PDZRN3: variants seen among roughly 807,000 people sequenced by gnomAD.
PDZRN3 encodes E3 ubiquitin-protein ligase PDZRN3.
PDZRN3 carries 38 observed loss-of-function variants against 85.7 expected under a neutral mutation model. That is an observed-to-expected ratio of 0.44 (90% CI 0.34 to 0.58). The LOEUF (loss-of-function observed/expected upper bound fraction) is 0.58, where lower values mean the gene tolerates loss of function less well. Ranked by LOEUF, PDZRN3 falls within the 20% of genes least tolerant of loss-of-function variation. The pLI is 0.01. For missense variants in PDZRN3, 1,629 were observed against 1,506.4 expected (o/e 1.08, Z -1.35); for synonymous variants, 759 against 638.0 (o/e 1.19, Z -2.86).
chr3:73,519,570 G>A (rs567581941), intron 3 of PDZRN3, among the ~76,000 whole-genome samples: 4 of 152,156 alleles, frequency 2.6e-5, no homozygotes, highest in African/African-American at 4.8e-5. Context: ...ATCATTAATT[G>A]TTTCTATAAA....
intron 1 of PDZRN3, among the ~76,000 whole-genome samples, chr3:73,619,923 A>C (rs1277829186): frequency 6.6e-6 from 1 of 152,250 alleles, no homozygotes; most frequent in Non-Finnish European, 1.5e-5. Flanking sequence ...AGAGTGTCTG[A>C]GACAAAGGCC....
intron 3 of PDZRN3, among the ~76,000 whole-genome samples, chr3:73,477,742 C>G (rs532221115): frequency 6.6e-6 from 1 of 152,122 alleles, no homozygotes; most frequent in Non-Finnish European, 1.5e-5. Context: ...TCTCACACTG[C>G]TCTAAGAAAT....
chr3:73,489,193 T>C (rs1454278393), intron 3 of PDZRN3, among the ~76,000 whole-genome samples: 1 of 152,212 alleles, frequency 6.6e-6, no homozygotes, highest in Non-Finnish European at 1.5e-5. Context: ...TTGTGCTATA[T>C]TTCCTTGCCT....
chr3:73,399,617 A>G (rs763317272), intron 5 of PDZRN3, among the ~76,000 whole-genome samples: 1 of 152,298 alleles, frequency 6.6e-6, no homozygotes, highest in African/African-American at 2.4e-5. Context: ...GTGATAGGAC[A>G]CTAAATAAGA....
intron 3 of PDZRN3, among the ~76,000 whole-genome samples, chr3:73,482,026 T>G (rs1703571837): frequency 6.6e-6 from 1 of 152,114 alleles, no homozygotes; most frequent in Non-Finnish European, 1.5e-5. Flanking sequence ...TTTTCAACAT[T>G]AAGAGCATCT....
intron 3 of PDZRN3, among the ~76,000 whole-genome samples, chr3:73,479,172 T>C (rs1177418738): frequency 1.3e-5 from 2 of 152,284 alleles, no homozygotes; most frequent in Non-Finnish European, 1.5e-5. Context: ...TCTCATTTCT[T>C]TAGGATACTG....
At chr3:73,585,167 T>C (rs555495546) in intron 3 of PDZRN3, among the ~76,000 whole-genome samples, 1 of 152,166 alleles carries the variant, frequency 6.6e-6, no homozygotes, top group African/African-American at 2.4e-5. Context: ...CTGCCCTTAG[T>C]TTTACCATTT....
chr3:73,511,658 A>G (rs1704167222), intron 3 of PDZRN3, among the ~76,000 whole-genome samples: 1 of 152,212 alleles, frequency 6.6e-6, no homozygotes, highest in Non-Finnish European at 1.5e-5. Context: ...AGTACCGTCC[A>G]CCACGCCAGC....
chr3:73,496,177 A>G (rs1703862338), intron 3 of PDZRN3, among the ~76,000 whole-genome samples: 1 of 152,192 alleles, frequency 6.6e-6, no homozygotes. Flanking sequence ...CACGGTATAT[A>G]CAGTACAAAG....
intron 3 of PDZRN3, among the ~76,000 whole-genome samples, chr3:73,486,178 G>T (rs1205673438): frequency 7.2e-5 from 11 of 152,198 alleles, no homozygotes; most frequent in African/African-American, 2.7e-4. Flanking sequence ...TTAGCAGACA[G>T]TGGGGGCTGG....
At chr3:73,517,060 C>T (rs764591209) in intron 3 of PDZRN3, among the ~76,000 whole-genome samples, 2 of 152,158 alleles carry the variant, frequency 1.3e-5, no homozygotes, top group Non-Finnish European at 2.9e-5. Context: ...ATTTCACTTC[C>T]CATCTGGGGC....
intron 3 of PDZRN3, among the ~76,000 whole-genome samples, chr3:73,404,889 A>AT (rs1316298289): frequency 2.0e-5 from 3 of 152,220 alleles, no homozygotes; most frequent in Admixed American, 6.5e-5. Context: ...TATTAAGTAA[A>AT]TGACAGTTCA....
intron 3 of PDZRN3, among the ~76,000 whole-genome samples, chr3:73,456,492 AAAATT>A (rs1433910089): frequency 6.6e-6 from 1 of 152,248 alleles, no homozygotes; most frequent in African/African-American, 2.4e-5. Flanking sequence ...AAGAAAAAAT[AAAATT>A]ATTCTTTTTA....
chr3:73,624,707 C>T lies in PDZRN3; in HGVS notation c.119G>A (p.Gly40Asp). The T allele has an allele frequency of 6.5e-7, 1 of 1,527,830 alleles. No individual in the cohort carries two copies. The highest frequency in any genetic ancestry group is 1.4e-5 in the African/African-American group (1 of 70,338). The allele number at this position is 1,527,830 out of a possible 1,614,324, so 94.6% of individuals were successfully genotyped here. A position where few individuals can be genotyped will look rare whatever the true frequency, so the allele number is the denominator to read the frequency against. Residue 40 changes from glycine (G) to aspartate (D), a missense_variant, in exon 1 of 10, where the codon GGC (glycine) becomes GAC (aspartate). Transcript: ENST00000263666. ...CTGCACCACCCAGGGCAGCACGCAGCCGGCGCAGAAGACGTGGCCGCACGG... is the reference window on the plus strand; with the variant it reads ...CTGCACCACCCAGGGCAGCACGCAGTCGGCGCAGAAGACGTGGCCGCACGG... The part of the protein sequence containing the change: ...TTPCGHVFCA[G>D]CVLPWVVQEG...
rs146603875 is a variant in PDZRN3, at chr3:73,431,385, T to C, written c.919-26990A>G. 3.2e-3 allele frequency among the ~76,000 whole-genome samples: 494 copies of C among 152,314 alleles called. 2 individuals are homozygous for C. The highest frequency in any genetic ancestry group is 0.011 in the African/African-American group (473 of 41,576). On this transcript the variant is annotated intron_variant, in intron 3 of 9. Coordinates refer to ENST00000263666, the MANE Select transcript of PDZRN3 (RefSeq NM_015009.3). ...GAAGAGCATCTCTTTGAATTATCTC[T>C]GGATGAGGAAAGGATAAAGTCTGAG... is the stretch of plus-strand genomic sequence containing the variant.
intron 3 of PDZRN3, among the ~76,000 whole-genome samples, chr3:73,417,925 A>T (rs1661925060): frequency 6.6e-6 from 1 of 152,246 alleles, no homozygotes; most frequent in African/African-American, 2.4e-5. Context: ...AAGGAGCAGG[A>T]ATAACTAACA....
chr3:73,441,563 G>A (rs1052404758), intron 3 of PDZRN3, among the ~76,000 whole-genome samples: 6 of 152,192 alleles, frequency 3.9e-5, no homozygotes, highest in Admixed American at 6.5e-5. Flanking sequence ...GTGATGATAC[G>A]GTCAGGACGA....
intron 3 of PDZRN3, among the ~76,000 whole-genome samples, chr3:73,472,161 A>G (rs1044376856): frequency 2.6e-5 from 4 of 152,242 alleles, no homozygotes; most frequent in African/African-American, 7.2e-5. Flanking sequence ...GAGCGAGGCC[A>G]GTGCTGTTAT....
chr3:73,563,588 C>T (rs1701883092), intron 3 of PDZRN3, among the ~76,000 whole-genome samples: 1 of 152,154 alleles, frequency 6.6e-6, no homozygotes, highest in African/African-American at 2.4e-5. Flanking sequence ...CATTTGCCTG[C>T]TGTGGGCTTC....
Sources: allele counts gnomAD v4.1 joint callset (sites outside exome capture counted in the v4.1 genomes callset), GRCh38; gene constraint gnomAD v4.1.1; transcripts MANE v1.5; gene names NCBI Gene and HGNC (gene_info 2026-07-23, HGNC 2026-07-21).